Variants in OSBPL6 observed in about 807,000 individuals in gnomAD.
The protein encoded by OSBPL6 is oxysterol binding protein like 6, also known as oxysterol-binding protein-related protein 6.
In OSBPL6, 49 loss-of-function variants were observed where a neutral mutation model predicts 125.8. The ratio of observed to expected loss-of-function variants is 0.39; its 90% CI spans 0.31 to 0.49. The LOEUF (loss-of-function observed/expected upper bound fraction) is 0.49, where lower values mean the gene tolerates loss of function less well. Among genes scored for constraint, OSBPL6 ranks in the 20% least tolerant of loss-of-function variants. The probability of loss-of-function intolerance (pLI) is 0.88; values close to 1 mark genes in which losing one functional copy is unlikely to be tolerated. For synonymous variants in OSBPL6, 394 were observed against 391.8 expected, an observed-to-expected ratio of 1.01 and a Z score of -0.07; for missense variants, 986 against 1,135.4, an observed-to-expected ratio of 0.87 and a Z score of 1.89.
chr2:178,381,534 T>C (rs1291355076), intron 15 of OSBPL6, among the ~76,000 whole-genome samples: 1 of 151,942 alleles, frequency 6.6e-6, no homozygotes, highest in Non-Finnish European at 1.5e-5. Context: ...TTTGTATTTT[T>C]AGTAGAGACA....
At chr2:178,240,573 G>GAAAT (rs2091250195) in intron 1 of OSBPL6, among the ~76,000 whole-genome samples, 1 of 151,784 alleles carries the variant, frequency 6.6e-6, no homozygotes, top group African/African-American at 2.4e-5. Flanking sequence ...ACTAACTAAT[G>GAAAT]AAATAAATAA....
intron 2 of OSBPL6, among the ~76,000 whole-genome samples, chr2:178,292,452 A>G (rs1041834385): frequency 2.0e-5 from 3 of 152,198 alleles, no homozygotes; most frequent in African/African-American, 7.2e-5. Context: ...AGAAATGACT[A>G]CAAAGATGAA....
chr2:178,337,746 T>G (rs543847667), intron 9 of OSBPL6, among the ~76,000 whole-genome samples: 2 of 152,318 alleles, frequency 1.3e-5, no homozygotes, highest in South Asian at 4.1e-4. Context: ...AACTGAATTA[T>G]TCACAAAGTT....
chr2:178,389,137 A>T lies in OSBPL6; in HGVS notation c.2285A>T (p.Lys762Ile). 2 of 1,613,728 alleles carry T rather than the reference A, an allele frequency of 1.2e-6. No homozygotes were observed. Among genetic ancestry groups the T allele is most frequent in the Non-Finnish European group, 1.7e-6 (2 of 1,179,920 alleles). The change falls in exon 21 of 25, where the codon AAA (lysine) becomes ATA (isoleucine). Residue 762 changes from lysine (K) to isoleucine (I), a missense_variant. Lys to Ile is a moderately radical substitution (Grantham distance 102, BLOSUM62 -3). Transcript: ENST00000190611. Reference sequence around the variant, plus strand: ...ACCAAAAGCAGTGTTTGCATTTGCAAACTCACATTTGTCAAGGTAAATACT... The same window carrying T: ...ACCAAAAGCAGTGTTTGCATTTGCATACTCACATTTGTCAAGGTAAATACT... ...RNTKSSVCICKLTFVKVNYWN... is the reference protein window; with the variant it reads ...RNTKSSVCICILTFVKVNYWN...
At chr2:178,360,529 A>T (rs1476729585) in intron 12 of OSBPL6, among the ~76,000 whole-genome samples, 1 of 152,228 alleles carries the variant, frequency 6.6e-6, no homozygotes, top group South Asian at 2.1e-4. Context: ...ACTTATATGT[A>T]TCTTATAACA....
intron 2 of OSBPL6, among the ~76,000 whole-genome samples, chr2:178,305,343 T>C (rs1332209417): frequency 1.3e-5 from 2 of 152,226 alleles, no homozygotes; most frequent in African/African-American, 2.4e-5. Flanking sequence ...ATACTAACAA[T>C]GCAAACCTTC....
intron 13 of OSBPL6, among the ~76,000 whole-genome samples, chr2:178,371,061 G>A (rs1328621749): frequency 1.3e-5 from 2 of 152,204 alleles, no homozygotes; most frequent in Non-Finnish European, 2.9e-5. Flanking sequence ...CATTGGCTCT[G>A]AATGAAGCGG....
chr2:178,296,958 A>G (rs1685812372), intron 2 of OSBPL6, among the ~76,000 whole-genome samples: 1 of 152,192 alleles, frequency 6.6e-6, no homozygotes, highest in Non-Finnish European at 1.5e-5. Flanking sequence ...CAGGTTTTCA[A>G]AATTCTGCTT....
At chr2:178,388,909 G>A in intron 20 of OSBPL6, 100 bp from the exon 21 acceptor site, 1 of 1,270,682 alleles carries the variant, frequency 7.9e-7, no homozygotes, top group South Asian at 1.6e-5. Context: ...GGAGAATGAG[G>A]GAAAAGGAAG....
intron 11 of OSBPL6, among the ~76,000 whole-genome samples, chr2:178,343,886 T>C (rs1328074536): frequency 1.3e-5 from 2 of 152,216 alleles, no homozygotes; most frequent in Non-Finnish European, 2.9e-5. Flanking sequence ...CATTTTAGCC[T>C]TCCCACATTA....
At chr2:178,199,465 G>GGTTT (rs2089116304) in intron 1 of OSBPL6, among the ~76,000 whole-genome samples, 1 of 152,096 alleles carries the variant, frequency 6.6e-6, no homozygotes, top group Admixed American at 6.6e-5. Flanking sequence ...TTATTGCTTA[G>GGTTT]GTTTGGGGCC....
chr2:178,386,552 AAATT>A (rs1178380855), intron 19 of OSBPL6, among the ~76,000 whole-genome samples: 1 of 152,218 alleles, frequency 6.6e-6, no homozygotes, highest in Non-Finnish European at 1.5e-5. Flanking sequence ...ATGTATATAT[AAATT>A]AATTGTATTG....
intron 15 of OSBPL6, among the ~76,000 whole-genome samples, chr2:178,375,497 A>T (rs1020720153): frequency 6.6e-6 from 1 of 152,112 alleles, no homozygotes; most frequent in African/African-American, 2.4e-5. Context: ...ATCTTGGCTC[A>T]CCACAACCTC....
At chr2:178,194,419 G>A (rs986900748), upstream of OSBPL6, 1 of 151,954 alleles carries the variant, frequency 6.6e-6, no homozygotes, top group Non-Finnish European at 1.5e-5. Context: ...GGGGAACCCG[G>A]AGCGCCGCCC....
chr2:178,226,573 T>G (rs1209479308), intron 1 of OSBPL6, among the ~76,000 whole-genome samples: 1 of 152,212 alleles, frequency 6.6e-6, no homozygotes, highest in African/African-American at 2.4e-5. Flanking sequence ...TTATAGGAGC[T>G]GGAGACATGC....
At chr2:178,304,914 A>G (rs1348677787) in intron 2 of OSBPL6, among the ~76,000 whole-genome samples, 5 of 152,214 alleles carry the variant, frequency 3.3e-5, no homozygotes, top group African/African-American at 9.6e-5. Flanking sequence ...TCCCAGATCC[A>G]TTAGTTCACC....
chr2:178,238,906 C>G (rs1157577057), intron 1 of OSBPL6, among the ~76,000 whole-genome samples: 2 of 152,146 alleles, frequency 1.3e-5, no homozygotes, highest in Non-Finnish European at 2.9e-5. Context: ...TTTTCTTATC[C>G]CCTCTCCCGC....
intron 2 of OSBPL6, among the ~76,000 whole-genome samples, chr2:178,301,296 C>T (rs993973090): frequency 1.3e-5 from 2 of 152,102 alleles, no homozygotes; most frequent in African/African-American, 2.4e-5. Flanking sequence ...TGATAAATCT[C>T]ATTGTTCCAA....
Position 178,344,222 on chromosome 2 carries a change from C to T in OSBPL6, c.987+4458C>T, listed in dbSNP as rs568053006. 4.6e-4 allele frequency: 631 copies of T among 1,366,286 alleles called. 1 individual carries two copies. Among genetic ancestry groups the T allele is most frequent in the Non-Finnish European group, 6.2e-4 (589 of 956,144 alleles). The allele number at this position is 1,366,286 out of a possible 1,614,324, so 84.6% of individuals were successfully genotyped here. A position where few individuals can be genotyped will look rare whatever the true frequency, so the allele number is the denominator to read the frequency against. ...TCCTTGTCTGATTATCTTTCATCCT[C>T]CCATCTTCCATCCTTTCCTCCCCCG... On this transcript the variant is annotated intron_variant, in intron 11 of 24. Coordinates refer to ENST00000190611, the MANE Select transcript of OSBPL6 (RefSeq NM_032523.4).
Sources: allele counts gnomAD v4.1 joint callset (sites outside exome capture counted in the v4.1 genomes callset), GRCh38; gene constraint gnomAD v4.1.1; transcripts MANE v1.5; gene names NCBI Gene and HGNC (gene_info 2026-07-23, HGNC 2026-07-21).